CLNK: variants seen among roughly 807,000 people sequenced by gnomAD.
CLNK encodes the protein cytokine-dependent hematopoietic cell linker.
A neutral mutation model predicts 68.6 loss-of-function variants in CLNK; 74 were observed. The observed-to-expected ratio is 1.08, with a 90% confidence interval of 0.89 to 1.31. The LOEUF is 1.31. Among genes scored for constraint, CLNK ranks in the 50% most tolerant of loss-of-function variants. CLNK has a pLI of 0.00. For synonymous variants in CLNK, 198 were observed against 172.2 expected, an observed-to-expected ratio of 1.15 and a Z score of -1.17; for missense variants, 553 against 515.3, an observed-to-expected ratio of 1.07 and a Z score of -0.71.
intron 17 of CLNK, among the ~76,000 whole-genome samples, chr4:10,505,468 C>T (rs1717251671): frequency 6.6e-6 from 1 of 152,160 alleles, no homozygotes; most frequent in Non-Finnish European, 1.5e-5. Flanking sequence ...CATTTCCTAC[C>T]ACTGCTATAA....
chr4:10,677,801 C>T (rs1724933498), intron 1 of CLNK, among the ~76,000 whole-genome samples: 1 of 151,004 alleles, frequency 6.6e-6, no homozygotes, highest in Non-Finnish European at 1.5e-5. Flanking sequence ...CAGAGAAGTG[C>T]TTTACAGCAG....
chr4:10,606,248 A>G (rs533862721), intron 2 of CLNK, among the ~76,000 whole-genome samples: 6 of 152,208 alleles, frequency 3.9e-5, no homozygotes, highest in African/African-American at 1.4e-4. Context: ...AGTAACACAC[A>G]CCTTAGCCTA....
chr4:10,601,596 T>A (rs977545443), intron 2 of CLNK, among the ~76,000 whole-genome samples: 1 of 152,172 alleles, frequency 6.6e-6, no homozygotes, highest in Non-Finnish European at 1.5e-5. Flanking sequence ...TTAAGCATAA[T>A]AGGGCAAAAT....
chr4:10,648,335 C>T (rs113254668), intron 2 of CLNK, among the ~76,000 whole-genome samples: 204 of 152,234 alleles, frequency 1.3e-3, no homozygotes, highest in Admixed American at 2.4e-3. Context: ...TATGCTGGAG[C>T]TGTTATTGTC....
intron 16 of CLNK, among the ~76,000 whole-genome samples, chr4:10,513,208 A>C (rs965959678): frequency 2.0e-3 from 15 of 7,584 alleles, no homozygotes; most frequent in Non-Finnish European, 7.0e-3. Context: ...TTTTTGGATT[A>C]ATTTTTAAAA....
At chr4:10,646,931 C>G (rs1188587774) in intron 2 of CLNK, among the ~76,000 whole-genome samples, 1 of 152,200 alleles carries the variant, frequency 6.6e-6, no homozygotes, top group Non-Finnish European at 1.5e-5. Context: ...TAAGACTCCA[C>G]TGAAGAAATA....
chr4:10,652,355 C>T (rs546350561), intron 2 of CLNK, among the ~76,000 whole-genome samples: 32 of 112,192 alleles, frequency 2.9e-4, no homozygotes, highest in African/African-American at 1.1e-3. Flanking sequence ...TCACTCCAGC[C>T]TGGGTGACAG....
At chr4:10,550,387 C>G (rs1432202948) in intron 8 of CLNK, among the ~76,000 whole-genome samples, 1 of 151,940 alleles carries the variant, frequency 6.6e-6, no homozygotes, top group Admixed American at 6.6e-5. Context: ...CCCAGCTACT[C>G]GGGAGGCTGA....
At chr4:10,520,715 C>G (rs1423943606) in intron 15 of CLNK, 76 bp downstream of exon 15, 21 of 1,129,610 alleles carry the variant, frequency 1.9e-5, no homozygotes, top group Middle Eastern at 2.0e-4. Context: ...GGGTTCACAA[C>G]AGCTAAGTCA....
intron 4 of CLNK, among the ~76,000 whole-genome samples, chr4:10,572,891 C>G (rs1012181040): frequency 6.6e-6 from 1 of 152,074 alleles, no homozygotes; most frequent in African/African-American, 2.4e-5. Flanking sequence ...TGCAGTGGTG[C>G]AATCTCAGCT....
intron 13 of CLNK, among the ~76,000 whole-genome samples, chr4:10,526,825 A>C (rs1577107531): frequency 6.6e-6 from 1 of 152,302 alleles, no homozygotes; most frequent in Middle Eastern, 3.4e-3. Context: ...TTTTCTTTTC[A>C]TCACAGATAG....
intron 2 of CLNK, among the ~76,000 whole-genome samples, chr4:10,623,522 T>A (rs538070778): frequency 9.2e-5 from 14 of 152,348 alleles, no homozygotes; most frequent in African/African-American, 2.9e-4. Context: ...AGTACATGTT[T>A]CTAAGCCTCC....
At chr4:10,685,847 G>T (rs146171515), upstream of CLNK, among the ~76,000 whole-genome samples, 209 of 152,270 alleles carry the variant, frequency 1.4e-3, no homozygotes, top group African/African-American at 4.7e-3. Flanking sequence ...AGACTAGGGA[G>T]ACTCGAGTAG....
At chr4:10,549,279 GA>G (rs1470246708) in intron 8 of CLNK, among the ~76,000 whole-genome samples, 2 of 152,114 alleles carry the variant, frequency 1.3e-5, no homozygotes, top group East Asian at 3.8e-4. Context: ...CTTTGCAGGT[GA>G]AAAAAACTGG....
At chr4:10,538,118 TTATA>T (rs1718870214) in intron 11 of CLNK, among the ~76,000 whole-genome samples, 1 of 152,034 alleles carries the variant, frequency 6.6e-6, no homozygotes, top group Non-Finnish European at 1.5e-5. Flanking sequence ...TTATTTTAGT[TTATA>T]TATTTATTTT....
At chr4:10,626,513 GTTTATA>G (rs974470867) in intron 2 of CLNK, among the ~76,000 whole-genome samples, 18 of 151,752 alleles carry the variant, frequency 1.2e-4, no homozygotes, top group Admixed American at 1.2e-3. Context: ...TAGTTTTTAA[GTTTATA>G]TTTATAGAAT....
chr4:10,690,612 C>A, the CLNK span, among the ~76,000 whole-genome samples: 1 of 152,214 alleles, frequency 6.6e-6, no homozygotes, highest in Non-Finnish European at 1.5e-5. Flanking sequence ...ATGAGGCTAA[C>A]ATTAATTAAG....
intron 1 of CLNK, among the ~76,000 whole-genome samples, chr4:10,670,696 T>C (rs967365248): frequency 7.0e-6 from 1 of 142,160 alleles, no homozygotes; most frequent in Non-Finnish European, 1.5e-5. Flanking sequence ...CTCAAAGAAA[T>C]GGAAATAGTT....
chr4:10,538,923 G>C (rs1174506764), intron 11 of CLNK, among the ~76,000 whole-genome samples: 1 of 152,144 alleles, frequency 6.6e-6, no homozygotes, highest in African/African-American at 2.4e-5. Flanking sequence ...AAAATAGGTT[G>C]GTAAGAAAGT....
Sources: gnomAD v4.1 joint callset for allele counts (sites outside exome capture counted in the v4.1 genomes callset) on GRCh38, gnomAD v4.1.1 for gene constraint, MANE v1.5 for transcripts, NCBI Gene and HGNC (gene_info 2026-07-23, HGNC 2026-07-21) for gene names.